PKIG: variants seen among roughly 807,000 people sequenced by gnomAD.
The protein encoded by PKIG is protein kinase (cAMP-dependent, catalytic) inhibitor gamma.
PKIG carries 1 observed loss-of-function variant against 6.8 expected under a neutral mutation model. That is an observed-to-expected ratio of 0.15 (90% CI 0.05 to 0.69). The LOEUF (loss-of-function observed/expected upper bound fraction) is 0.69, where lower values mean the gene tolerates loss of function less well. Among genes scored for constraint, PKIG ranks in the 30% least tolerant of loss-of-function variants. The pLI, the probability that PKIG is intolerant of heterozygous loss-of-function variation, is 0.82. For missense variants in PKIG, 77 were observed against 104.0 expected (o/e 0.74, Z 1.13); for synonymous variants, 39 against 43.0 (o/e 0.91, Z 0.36).
intron 2 of PKIG, among the ~76,000 whole-genome samples, chr20:44,596,449 C>T (rs1191284383): frequency 6.6e-6 from 1 of 152,186 alleles, no homozygotes; most frequent in African/African-American, 2.4e-5. Context: ...GGCTGGAATA[C>T]TGAACAACCA....
intron 1 of PKIG, among the ~76,000 whole-genome samples, chr20:44,541,641 A>G (rs2064562654): frequency 6.6e-6 from 1 of 151,634 alleles, no homozygotes; most frequent in Non-Finnish European, 1.5e-5. Flanking sequence ...GTTTTCTTGT[A>G]GCTTTTAAGT....
intron 1 of PKIG, among the ~76,000 whole-genome samples, chr20:44,565,866 A>C (rs1489754359): frequency 6.6e-6 from 1 of 152,112 alleles, no homozygotes; most frequent in Non-Finnish European, 1.5e-5. Flanking sequence ...GGGTTCAAGC[A>C]ATTCTCCCTC....
chr20:44,616,339 C>T (rs928728663), intron 3 of PKIG, among the ~76,000 whole-genome samples: 7 of 152,192 alleles, frequency 4.6e-5, no homozygotes, highest in Non-Finnish European at 8.8e-5. Flanking sequence ...CTTGTGCCCT[C>T]GGTGCCTGGT....
intron 2 of PKIG, among the ~76,000 whole-genome samples, chr20:44,590,643 C>A (rs917490061): frequency 7.9e-5 from 12 of 152,238 alleles, no homozygotes; most frequent in African/African-American, 2.9e-4. Context: ...AGGCATCCAT[C>A]AGCATCCATG....
intron 2 of PKIG, among the ~76,000 whole-genome samples, chr20:44,590,351 C>CA (rs1483193515): frequency 6.6e-6 from 1 of 152,126 alleles, no homozygotes; most frequent in African/African-American, 2.4e-5. Context: ...GGGTTCGGCC[C>CA]AGTAGTCTGG....
chr20:44,584,504 A>AG, intron 1 of PKIG, among the ~76,000 whole-genome samples: 1 of 151,904 alleles, frequency 6.6e-6, no homozygotes, highest in East Asian at 1.9e-4. Context: ...AAAAAAAAAA[A>AG]AAGCAAAAGA....
At chr20:44,557,578 T>C (rs2064725080) in intron 1 of PKIG, among the ~76,000 whole-genome samples, 1 of 148,006 alleles carries the variant, frequency 6.8e-6, no homozygotes, top group Non-Finnish European at 1.5e-5. Flanking sequence ...CCCAACACTT[T>C]GGGAGGCTGA....
chr20:44,547,413 G>T (rs1437499173), intron 1 of PKIG, among the ~76,000 whole-genome samples: 1 of 152,202 alleles, frequency 6.6e-6, no homozygotes, highest in Non-Finnish European at 1.5e-5. Context: ...ATGACATCAG[G>T]ATGCTGATTT....
Position 44,535,411 on chromosome 20 carries a change from C to T in PKIG, c.-241+3433C>T, listed in dbSNP as rs375976993. On this transcript the variant is annotated intron_variant, in intron 1 of 4. Transcript: ENST00000372887. ...ATCCCAGCACTTTGGGAGGCCAAGG[C>T]GGGCAGATTATCTGAGGTGAGGAGT... 2.5e-4 allele frequency among the ~76,000 whole-genome samples: 38 copies of T among 152,282 alleles called. No individual in the cohort carries two copies. The East Asian group carries it at 5.0e-3, about 20-fold the overall frequency.
chr20:44,592,153 A>T (rs189768523), intron 2 of PKIG, among the ~76,000 whole-genome samples: 122 of 152,326 alleles, frequency 8.0e-4, no homozygotes, highest in African/African-American at 2.4e-3. Flanking sequence ...TATGAAGTAC[A>T]TATATATTAT....
chr20:44,587,866 A>G (rs1214054234), intron 1 of PKIG, among the ~76,000 whole-genome samples: 2 of 152,178 alleles, frequency 1.3e-5, no homozygotes, highest in Non-Finnish European at 2.9e-5. Context: ...ACTATCTGCA[A>G]TTGGTTAGAG....
intron 1 of PKIG, among the ~76,000 whole-genome samples, chr20:44,547,714 A>G (rs906174052): frequency 1.3e-5 from 2 of 152,174 alleles, no homozygotes; most frequent in African/African-American, 4.8e-5. Context: ...TCTTCGTCGG[A>G]AAAAATGGGA....
In PKIG at chr20:44,618,438, C is replaced by A. The variant is rs1466175056; in HGVS notation, c.*74C>A. 3 of 995,496 alleles carry A rather than the reference C, an allele frequency of 3.0e-6. No homozygotes were observed. In the African/African-American group the frequency reaches 4.8e-5, roughly 16 times the overall value. 61.7% of individuals were successfully genotyped at this position (995,496 alleles called of 1,614,324 possible). A position where few individuals can be genotyped will look rare whatever the true frequency, so the allele number is the denominator to read the frequency against. The stretch of plus-strand genomic sequence containing the variant: ...CAGAGGGGGAACCCTGGCACTGGCC[C>A]AGCAGCCTCTTCTCTGAGCTCCATG... On this transcript the variant is annotated 3_prime_UTR_variant, in exon 4 of 4. Coordinates refer to ENST00000372886, the MANE Select transcript of PKIG (RefSeq NM_001281445.2).
chr20:44,618,182 G>T, intron 3 of PKIG, 103 bp from the exon 4 acceptor site: 2 of 785,464 alleles, frequency 2.5e-6, no homozygotes. Context: ...TGCTCCCCAG[G>T]GCATATCCAC....
chr20:44,616,672 C>G (rs2065267568), intron 3 of PKIG, among the ~76,000 whole-genome samples: 1 of 152,196 alleles, frequency 6.6e-6, no homozygotes, highest in African/African-American at 2.4e-5. Context: ...ACAGTGCTCA[C>G]TGAAGGAAAG....
At chr20:44,586,603 G>C (rs1048087886) in intron 1 of PKIG, among the ~76,000 whole-genome samples, 1 of 152,206 alleles carries the variant, frequency 6.6e-6, no homozygotes, top group Non-Finnish European at 1.5e-5. Context: ...GGCTGTGACA[G>C]ACAAGAAGCT....
At chr20:44,590,637 A>T (rs571603645) in intron 2 of PKIG, among the ~76,000 whole-genome samples, 1 of 152,236 alleles carries the variant, frequency 6.6e-6, no homozygotes, top group Non-Finnish European at 1.5e-5. Flanking sequence ...CCCACCAGGC[A>T]TCCATCAGCA....
rs62207806 is a variant in PKIG at position 44,616,783 on chromosome 20, C to T, written c.152-1502C>T. 7.5e-3 allele frequency among the ~76,000 whole-genome samples: 1,146 copies of T among 152,302 alleles called. 5 individuals carry two copies. The highest frequency in any genetic ancestry group is 0.012 in the Non-Finnish European group (789 of 68,020). ...GTTTCACAGGCGGGGCTGCGGGCCACGCCCACTCCAGCGACTCCCCAAGGC... is the reference window on the plus strand; with the variant it reads ...GTTTCACAGGCGGGGCTGCGGGCCATGCCCACTCCAGCGACTCCCCAAGGC... On this transcript the variant is annotated intron_variant, in intron 3 of 3. Coordinates refer to ENST00000372886, the MANE Select transcript of PKIG (RefSeq NM_001281445.2).
chr20:44,560,562 T>C (rs974670405), intron 1 of PKIG, among the ~76,000 whole-genome samples: 1 of 152,220 alleles, frequency 6.6e-6, no homozygotes, highest in African/African-American at 2.4e-5. Context: ...GCTGTATTTT[T>C]GGTGTCTTCA....
Sources: gnomAD v4.1 joint callset for allele counts (sites outside exome capture counted in the v4.1 genomes callset) on GRCh38, gnomAD v4.1.1 for gene constraint, MANE v1.5 for transcripts, NCBI Gene and HGNC (gene_info 2026-07-23, HGNC 2026-07-21) for gene names.